Variants in KCNH1 observed in about 807,000 individuals in gnomAD.
KCNH1 encodes the protein potassium voltage-gated channel subfamily H member 1.
KCNH1 carries 27 observed loss-of-function variants against 69.2 expected under a neutral mutation model. The ratio of observed to expected loss-of-function variants is 0.39; its 90% confidence interval spans 0.29 to 0.54. KCNH1 has a LOEUF of 0.54. KCNH1 is among the 20% of genes least tolerant of loss of function. The probability of loss-of-function intolerance (pLI) is 0.68; values close to 1 mark genes in which losing one functional copy is unlikely to be tolerated. For synonymous variants in KCNH1, 456 were observed against 487.7 expected, an observed-to-expected ratio of 0.93 and a Z score of 0.86; for missense variants, 798 against 1,261.6, an observed-to-expected ratio of 0.63 and a Z score of 5.57.
intron 7 of KCNH1, among the ~76,000 whole-genome samples, chr1:210,879,896 A>G (rs1686460021): frequency 1.3e-5 from 2 of 152,162 alleles, no homozygotes; most frequent in South Asian, 4.1e-4. Flanking sequence ...ATTATTGCAG[A>G]GTTGTAAGAT....
chr1:210,935,719 C>A (rs1460978491), intron 6 of KCNH1, among the ~76,000 whole-genome samples: 1 of 152,158 alleles, frequency 6.6e-6, no homozygotes, highest in Non-Finnish European at 1.5e-5. Flanking sequence ...CAATTATGAA[C>A]AATCAAGAAT....
In KCNH1 at chr1:210,919,881, G is replaced by A. The variant is rs138866428; in HGVS notation, c.1221C>T (p.Asp407=). ...TGTTGCGGATTGTCTTGGTGTCCTC[G>A]TCAAAGATCTCATAGTCCCCAATGC... The part of the protein sequence containing the change: ...WYSIGDYEIF[D]EDTKTIRNNS... The change falls in exon 7 of 11, where the codon GAC becomes GAT. Residue 407 remains aspartate, a synonymous_variant. Coordinates refer to ENST00000271751, the MANE Select transcript of KCNH1 (RefSeq NM_172362.3). The surrounding 1 kb of genome is among the most constrained non-coding windows in gnomAD (Gnocchi z 4.2). 74 of 1,614,008 alleles carry A rather than the reference G, an allele frequency of 4.6e-5. 1 individual carries two copies. The highest frequency in any genetic ancestry group is 1.6e-4 in the African/African-American group (12 of 74,902).
chr1:210,976,293 A>G (rs1405440985), intron 6 of KCNH1, among the ~76,000 whole-genome samples: 1 of 150,580 alleles, frequency 6.6e-6, no homozygotes, highest in African/African-American at 2.4e-5. Flanking sequence ...ATAAAGACAC[A>G]TGCACATGTA....
intron 7 of KCNH1, among the ~76,000 whole-genome samples, chr1:210,804,789 C>G (rs372968900): frequency 2.0e-5 from 3 of 152,318 alleles, no homozygotes; most frequent in East Asian, 3.9e-4. Context: ...GATGTTATAT[C>G]CTTGTTTTGC....
At chr1:211,125,907 A>C (rs1691768723) in intron 1 of KCNH1, among the ~76,000 whole-genome samples, 1 of 152,246 alleles carries the variant, frequency 6.6e-6, no homozygotes, top group Non-Finnish European at 1.5e-5. Context: ...CATAATGAAC[A>C]ATCAGTATGA....
intron 6 of KCNH1, among the ~76,000 whole-genome samples, chr1:210,984,967 T>C (rs1434909993): frequency 6.6e-6 from 1 of 152,164 alleles, no homozygotes; most frequent in Non-Finnish European, 1.5e-5. Flanking sequence ...TCAGAGCCTG[T>C]TATTGGTCTA....
intron 7 of KCNH1, among the ~76,000 whole-genome samples, chr1:210,818,822 G>A (rs1015022216): frequency 6.6e-6 from 1 of 152,048 alleles, no homozygotes; most frequent in Admixed American, 6.6e-5. Context: ...CTCAACTAGG[G>A]GAATATTAGA....
chr1:210,910,070 A>G (rs1003907202), intron 7 of KCNH1, among the ~76,000 whole-genome samples: 1 of 152,134 alleles, frequency 6.6e-6, no homozygotes, highest in African/African-American at 2.4e-5. Context: ...AAACAGTCAG[A>G]GGTGGTCATC....
At chr1:211,017,826 T>C (rs576369236) in intron 6 of KCNH1, among the ~76,000 whole-genome samples, 35 of 152,098 alleles carry the variant, frequency 2.3e-4, no homozygotes, top group African/African-American at 8.2e-4. Flanking sequence ...TTGAAAAGAG[T>C]TGCTATAGTT....
At chr1:210,889,360 C>A (rs879084357) in intron 7 of KCNH1, among the ~76,000 whole-genome samples, 1 of 152,214 alleles carries the variant, frequency 6.6e-6, no homozygotes. Context: ...AACAGACCTT[C>A]ATGCTAAAAA....
At chr1:210,974,490 A>G (rs1400901228) in intron 6 of KCNH1, among the ~76,000 whole-genome samples, 1 of 150,984 alleles carries the variant, frequency 6.6e-6, no homozygotes, top group Non-Finnish European at 1.5e-5. Context: ...TTTTCTTATT[A>G]TACCTTTGTC....
chr1:210,923,301 A>C (rs949935805), intron 6 of KCNH1, among the ~76,000 whole-genome samples: 2 of 152,222 alleles, frequency 1.3e-5, no homozygotes, highest in Admixed American at 6.5e-5. Context: ...ACCACCTTTA[A>C]GAAATGGTCA....
rs775151537 is a variant in KCNH1, at chr1:210,681,757, C to T, written c.*1524G>A. 4.6e-5 allele frequency: 7 copies of T among 152,272 alleles called. No individual in the cohort carries two copies. Among genetic ancestry groups the T allele is most frequent in the Non-Finnish European group, 8.8e-5 (6 of 68,082 alleles). The allele number at this position is 152,272 out of a possible 1,614,324, so 9.4% of individuals were successfully genotyped here. A position where few individuals can be genotyped will look rare whatever the true frequency, so the allele number is the denominator to read the frequency against. On this transcript the variant is annotated 3_prime_UTR_variant, in exon 11 of 11. Coordinates refer to ENST00000271751, the MANE Select transcript of KCNH1 (RefSeq NM_172362.3). ...ATAAGTCCATGCTGTCACCTGTACT[C>T]CTAATTCCATTCCCTCCAAGTTGAC...
At chr1:210,703,707 A>ATATT (rs1553336324) in intron 10 of KCNH1, among the ~76,000 whole-genome samples, 7 of 152,206 alleles carry the variant, frequency 4.6e-5, no homozygotes, top group Non-Finnish European at 1.0e-4. Flanking sequence ...GACAGAGACT[A>ATATT]TATTTCTGTG....
rs571322962 is a variant in KCNH1, at chr1:210,985,851, T to C, written c.1032+32932A>G. Among the ~76,000 whole-genome samples, 4 of 152,312 alleles carry C rather than the reference T, an allele frequency of 2.6e-5. No homozygotes were observed. In the South Asian group the frequency reaches 8.3e-4, roughly 32 times the overall value. On this transcript the variant is annotated intron_variant, in intron 6 of 10. Coordinates refer to ENST00000271751, the MANE Select transcript of KCNH1 (RefSeq NM_172362.3). ...CCTGGATATCCATGTTAACTTTCTG[T>C]CTCATTGATCTGTCTAATGTTGACA...
chr1:211,019,657 A>G (rs1307684506), intron 5 of KCNH1, among the ~76,000 whole-genome samples: 1 of 152,216 alleles, frequency 6.6e-6, no homozygotes, highest in Non-Finnish European at 1.5e-5. Context: ...TTTTTATTCA[A>G]TAAATATTAA....
Position 210,853,946 on chromosome 1 carries a change from C to CAAAAAAAAAAAAA in KCNH1, c.1463-49793_1463-49781dup, listed in dbSNP as rs11445997. On this transcript the variant is annotated intron_variant, in intron 7 of 10. Transcript: ENST00000271751. ...TAGCAGTAAAAGCATTTATCTAAGC[C>CAAAAAAAAAAAAA]AAAAAAAAAAAAAAAAAAAAAAGAA... Among the ~76,000 whole-genome samples the CAAAAAAAAAAAAA allele has an allele frequency of 5.1e-3, 312 of 61,460 alleles. 38 individuals are homozygous for CAAAAAAAAAAAAA. Among genetic ancestry groups the CAAAAAAAAAAAAA allele is most frequent in the East Asian group, 0.015 (32 of 2,190 alleles). 40.3% of individuals were successfully genotyped at this position (61,460 alleles called of 152,430 possible).
chr1:211,116,058 C>T (rs1234245594), intron 1 of KCNH1, among the ~76,000 whole-genome samples: 1 of 151,954 alleles, frequency 6.6e-6, no homozygotes, highest in Non-Finnish European at 1.5e-5. Flanking sequence ...ATCACTTGAG[C>T]AAAAGAGGTC....
intron 2 of KCNH1, among the ~76,000 whole-genome samples, chr1:211,105,493 C>T (rs529761964): frequency 8.6e-4 from 131 of 152,200 alleles, no homozygotes; most frequent in African/African-American, 3.0e-3. Context: ...ATGCTTACAA[C>T]GCACAAAATA....
Sources: gnomAD v4.1 joint callset for allele counts (sites outside exome capture counted in the v4.1 genomes callset) on GRCh38, gnomAD v4.1.1 for gene constraint, Gnocchi (gnomAD v3.1) non-coding constraint, MANE v1.5 for transcripts, NCBI Gene and HGNC (gene_info 2026-07-23, HGNC 2026-07-21) for gene names.